The following WWOX variants were observed in gnomAD, a reference collection of about 807,000 sequenced individuals.
WWOX encodes the protein WW domain containing oxidoreductase.
In WWOX, 69 loss-of-function variants were observed where a neutral mutation model predicts 46.2. The observed-to-expected ratio is 1.49, with a 90% CI of 1.23 to 1.82. The LOEUF (loss-of-function observed/expected upper bound fraction) is 1.82, where lower values mean the gene tolerates loss of function less well. Among genes scored for constraint, WWOX ranks in the 40% most tolerant of loss-of-function variants. The pLI is 0.00. For missense variants in WWOX, 919 were observed against 542.6 expected (o/e 1.69, Z -6.89); for synonymous variants, 359 against 202.6 (o/e 1.77, Z -6.56).
At chr16:79,116,688 AC>A (rs2049522473) in intron 8 of WWOX, among the ~76,000 whole-genome samples, 2 of 151,886 alleles carry the variant, frequency 1.3e-5, no homozygotes, top group South Asian at 4.2e-4. Context: ...TAACTTTTGA[AC>A]CCCTCAGAGT....
chr16:78,116,757 A>G (rs1321379271), intron 4 of WWOX, among the ~76,000 whole-genome samples: 1 of 152,250 alleles, frequency 6.6e-6, no homozygotes. Flanking sequence ...TTAAGGGCTT[A>G]AAAATGTCTT....
At chr16:78,907,099 G>C (rs2044985157) in intron 8 of WWOX, among the ~76,000 whole-genome samples, 1 of 152,124 alleles carries the variant, frequency 6.6e-6, no homozygotes, top group Admixed American at 6.5e-5. Flanking sequence ...ACTCAAATCA[G>C]CTTTCCTGAA....
At chr16:78,890,568 A>T (rs1034677130) in intron 8 of WWOX, 1 of 152,188 alleles carries the variant, frequency 6.6e-6, no homozygotes, top group African/African-American at 2.4e-5. Flanking sequence ...CAACCTTTGT[A>T]GTTGCTCTCT....
intron 8 of WWOX, among the ~76,000 whole-genome samples, chr16:78,725,256 A>G (rs2048797610): frequency 6.6e-6 from 1 of 150,798 alleles, no homozygotes; most frequent in Non-Finnish European, 1.5e-5. Flanking sequence ...GCCACGTGAA[A>G]TTGTGAGTCC....
intron 8 of WWOX, among the ~76,000 whole-genome samples, chr16:78,812,062 C>G (rs367809702): frequency 1.3e-5 from 2 of 152,080 alleles, no homozygotes; most frequent in African/African-American, 4.8e-5. Flanking sequence ...ACAGTAAGAT[C>G]TTTCTGAAAA....
intron 8 of WWOX, among the ~76,000 whole-genome samples, chr16:78,555,773 T>C (rs1261594794): frequency 1.3e-5 from 2 of 152,110 alleles, no homozygotes; most frequent in Admixed American, 1.3e-4. Context: ...AAGAAGCCTC[T>C]TGTTTGACTT....
Position 78,454,473 on chromosome 16 carries a change from G to C in WWOX, c.1056+21721G>C, listed in dbSNP as rs563560603. On this transcript the variant is annotated intron_variant, in intron 8 of 8. Coordinates refer to ENST00000566780, the MANE Select transcript of WWOX (RefSeq NM_016373.4). ...GTGTCCTGCTGTTTTTTTTCCCCTA[G>C]GTTGTGTTTTTGTGTTTTTGTTTGT... Among the ~76,000 whole-genome samples, 19 of 147,654 alleles carry C rather than the reference G, an allele frequency of 1.3e-4. No individual in the cohort carries two copies. The South Asian group carries it at 2.5e-3, about 20-fold the overall frequency.
chr16:78,802,830 T>A (rs970198008), intron 8 of WWOX, among the ~76,000 whole-genome samples: 5 of 146,378 alleles, frequency 3.4e-5, no homozygotes, highest in Admixed American at 1.4e-4. Flanking sequence ...GCAGGAGAAT[T>A]GCTTGAACCC....
At chr16:78,980,136 C>G (rs1597233032) in intron 8 of WWOX, among the ~76,000 whole-genome samples, 1 of 152,134 alleles carries the variant, frequency 6.6e-6, no homozygotes, top group African/African-American at 2.4e-5. Flanking sequence ...TCAAATCAAT[C>G]AACCAGTCAA....
At chr16:78,718,900 G>T (rs1430498902) in intron 8 of WWOX, among the ~76,000 whole-genome samples, 2 of 152,106 alleles carry the variant, frequency 1.3e-5, no homozygotes, top group Non-Finnish European at 2.9e-5. Context: ...GGTGGATGGG[G>T]CTGACTCATG....
intron 5 of WWOX, among the ~76,000 whole-genome samples, chr16:78,274,375 T>C (rs1024746678): frequency 6.6e-6 from 1 of 152,202 alleles, no homozygotes; most frequent in Non-Finnish European, 1.5e-5. Flanking sequence ...ATTATAGTAA[T>C]TTCTGAATTC....
chr16:78,390,753 A>AC (rs1597150929), intron 6 of WWOX, among the ~76,000 whole-genome samples: 1 of 151,972 alleles, frequency 6.6e-6, no homozygotes, highest in Admixed American at 6.6e-5. Context: ...TATTCTTATC[A>AC]CCCCCCATCT....
chr16:78,952,654 G>C (rs928580123), intron 8 of WWOX, among the ~76,000 whole-genome samples: 4 of 152,024 alleles, frequency 2.6e-5, no homozygotes, highest in Non-Finnish European at 5.9e-5. Context: ...AAAGTGCTGG[G>C]TTTACAGGTA....
chr16:78,449,921 G>T (rs1185646958), intron 8 of WWOX, among the ~76,000 whole-genome samples: 4 of 151,166 alleles, frequency 2.6e-5, no homozygotes, highest in African/African-American at 7.3e-5. Flanking sequence ...AAGCCATAAA[G>T]CTTGGTAAGG....
intron 8 of WWOX, among the ~76,000 whole-genome samples, chr16:78,902,874 G>T: frequency 6.6e-6 from 1 of 152,166 alleles, no homozygotes; most frequent in Non-Finnish European, 1.5e-5. Flanking sequence ...AAAATACAAG[G>T]GAAAAGACAG....
At chr16:78,963,269 G>T (rs546292901) in intron 8 of WWOX, among the ~76,000 whole-genome samples, 10 of 152,240 alleles carry the variant, frequency 6.6e-5, no homozygotes, top group African/African-American at 2.2e-4. Flanking sequence ...GGGAGTTGAA[G>T]ACCAGTCTGG....
At chr16:78,746,628 T>C (rs1016139526) in intron 8 of WWOX, among the ~76,000 whole-genome samples, 1 of 151,922 alleles carries the variant, frequency 6.6e-6, no homozygotes, top group Non-Finnish European at 1.5e-5. Context: ...TTAGTCAACA[T>C]GATGTGAGCA....
chr16:78,263,994 A>ATTTTTTTTTTTTTTTTT (rs1597419237), intron 5 of WWOX, among the ~76,000 whole-genome samples: 1 of 41,490 alleles, frequency 2.4e-5, no homozygotes, highest in Non-Finnish European at 4.4e-5. Flanking sequence ...TGGCTGTGAA[A>ATTTTTTTTTTTTTTTTT]TCTTTTTTTT....
intron 8 of WWOX, among the ~76,000 whole-genome samples, chr16:79,014,624 C>G (rs745872416): frequency 2.0e-5 from 3 of 152,088 alleles, no homozygotes; most frequent in East Asian, 1.9e-4. Context: ...TACTCAGTGC[C>G]TAAGACTTTG....
Sources: gnomAD v4.1 joint callset for allele counts (sites outside exome capture counted in the v4.1 genomes callset) on GRCh38, gnomAD v4.1.1 for gene constraint, MANE v1.5 for transcripts, NCBI Gene and HGNC (gene_info 2026-07-23, HGNC 2026-07-21) for gene names.